Variants in TRPS1 observed in about 807,000 individuals in gnomAD.
The protein encoded by TRPS1 is zinc finger transcription factor Trps1.
TRPS1 carries 6 observed loss-of-function variants against 101.2 expected under a neutral mutation model. The ratio of observed to expected loss-of-function variants is 0.06; its 90% CI spans 0.03 to 0.12. The LOEUF (loss-of-function observed/expected upper bound fraction) is 0.12. Among genes scored for constraint, TRPS1 ranks in the 10% least tolerant of loss-of-function variants. The pLI is 1.00. For missense variants in TRPS1, 1,363 were observed against 1,567.0 expected (o/e 0.87, Z 2.20); for synonymous variants, 578 against 589.8 (o/e 0.98, Z 0.29).
chr8:115,464,129 C>G (rs1283386438), intron 5 of TRPS1, among the ~76,000 whole-genome samples: 1 of 151,334 alleles, frequency 6.6e-6, no homozygotes, highest in Admixed American at 6.6e-5. Flanking sequence ...TTTTGCATTT[C>G]AAAGTCAGCT....
intron 3 of TRPS1, among the ~76,000 whole-genome samples, chr8:115,612,330 A>G (rs1053537027): frequency 1.3e-5 from 2 of 152,092 alleles, no homozygotes; most frequent in African/African-American, 4.8e-5. Context: ...AGGGAAGATA[A>G]AGCTAGAACA....
chr8:115,491,321 T>C (rs183833326), intron 5 of TRPS1, among the ~76,000 whole-genome samples: 194 of 152,312 alleles, frequency 1.3e-3, no homozygotes, highest in African/African-American at 4.5e-3. Flanking sequence ...GGATTTAAAT[T>C]CCAAGATATT....
At chr8:115,573,543 T>C (rs1817252323) in intron 5 of TRPS1, among the ~76,000 whole-genome samples, 1 of 152,112 alleles carries the variant, frequency 6.6e-6, no homozygotes, top group African/African-American at 2.4e-5. Context: ...TTATTACTCA[T>C]AGAGTAAGAG....
At chr8:115,425,646 T>C (rs1205708828) in intron 5 of TRPS1, among the ~76,000 whole-genome samples, 1 of 152,226 alleles carries the variant, frequency 6.6e-6, no homozygotes, top group African/African-American at 2.4e-5. Context: ...ATGTAACTGG[T>C]GATTCTCAGA....
chr8:115,631,657 G>T (rs879306990), intron 1 of TRPS1, among the ~76,000 whole-genome samples: 10 of 148,080 alleles, frequency 6.8e-5, no homozygotes, highest in South Asian at 4.2e-4. Flanking sequence ...ATGGATGGAT[G>T]GATGGATGGA....
At chr8:115,430,711 A>G (rs529979571) in intron 5 of TRPS1, among the ~76,000 whole-genome samples, 2 of 152,280 alleles carry the variant, frequency 1.3e-5, no homozygotes, top group Non-Finnish European at 2.9e-5. Flanking sequence ...ATGTATATAC[A>G]TGTACATACA....
chr8:115,455,771 C>T (rs1322818272), intron 5 of TRPS1, among the ~76,000 whole-genome samples: 6 of 134,724 alleles, frequency 4.5e-5, no homozygotes, highest in African/African-American at 8.5e-5. Flanking sequence ...TTCTTTCTTT[C>T]TTTCTTTTTT....
intron 5 of TRPS1, among the ~76,000 whole-genome samples, chr8:115,500,007 G>T (rs1815274390): frequency 7.1e-6 from 1 of 141,454 alleles, no homozygotes; most frequent in Admixed American, 7.3e-5. Flanking sequence ...TATTATTTCT[G>T]AAGAGTGGTC....
At chr8:115,634,143 T>A (rs1418765059) in intron 1 of TRPS1, among the ~76,000 whole-genome samples, 1 of 152,206 alleles carries the variant, frequency 6.6e-6, no homozygotes, top group Non-Finnish European at 1.5e-5. Context: ...ACAATCACAT[T>A]TTATTGCACA....
In TRPS1 at chr8:115,449,237, T is replaced by G. The variant is rs112078191; in HGVS notation, c.2701-30785A>C. Among the ~76,000 whole-genome samples the G allele has an allele frequency of 5.9e-3, 896 of 152,324 alleles. 6 individuals are homozygous for G. The highest frequency in any genetic ancestry group is 9.5e-3 in the Non-Finnish European group (649 of 68,028). ...AGAACTTCTCTATTCTAGGTCCATT[T>G]GTATATGCAATCACAGATATCTTTC... is the stretch of plus-strand genomic sequence containing the variant. On this transcript the variant is annotated intron_variant, in intron 5 of 6. Coordinates refer to ENST00000395715, the MANE Select transcript of TRPS1 (RefSeq NM_014112.5).
chr8:115,550,690 T>C (rs1319606826), intron 5 of TRPS1, among the ~76,000 whole-genome samples: 1 of 152,196 alleles, frequency 6.6e-6, no homozygotes, highest in African/African-American at 2.4e-5. Flanking sequence ...ATTCTTGACA[T>C]TGAGTTGGAG....
intron 5 of TRPS1, among the ~76,000 whole-genome samples, chr8:115,517,571 GAA>G (rs1248148440): frequency 0.016 from 1 of 64 alleles, no homozygotes; most frequent in Non-Finnish European, 0.033. Context: ...GTTGTGAAAA[GAA>G]GTCCTATGAT....
At chr8:115,623,504 T>G in intron 2 of TRPS1, 97 bp downstream of exon 2, 1 of 1,443,884 alleles carries the variant, frequency 6.9e-7, no homozygotes. Flanking sequence ...ACCCTCAAGT[T>G]ATTATCTCTA....
At chr8:115,610,636 C>G (rs1404593470) in intron 3 of TRPS1, among the ~76,000 whole-genome samples, 1 of 152,200 alleles carries the variant, frequency 6.6e-6, no homozygotes, top group Non-Finnish European at 1.5e-5. Context: ...AACTCCTACA[C>G]TGGGCACATT....
At chr8:115,453,800 A>G (rs1813944156) in intron 5 of TRPS1, among the ~76,000 whole-genome samples, 1 of 152,218 alleles carries the variant, frequency 6.6e-6, no homozygotes. Flanking sequence ...AGTATATAAA[A>G]TGTACAAATT....
chr8:115,474,326 A>G (rs1030793189), intron 5 of TRPS1, among the ~76,000 whole-genome samples: 10 of 152,104 alleles, frequency 6.6e-5, no homozygotes, highest in Admixed American at 1.3e-4. Context: ...TTGTTATTTA[A>G]CTTTGTTTAG....
chr8:115,530,791 G>A (rs1296824869), intron 5 of TRPS1, among the ~76,000 whole-genome samples: 1 of 152,060 alleles, frequency 6.6e-6, no homozygotes, highest in Non-Finnish European at 1.5e-5. Flanking sequence ...GGACATGGAT[G>A]AAGCTGGAAA....
At chr8:115,650,701 T>C (rs1245680359) in intron 1 of TRPS1, among the ~76,000 whole-genome samples, 1 of 152,242 alleles carries the variant, frequency 6.6e-6, no homozygotes, top group Non-Finnish European at 1.5e-5. Context: ...GAGGCATTGT[T>C]GTTCCAACAT....
intron 5 of TRPS1, among the ~76,000 whole-genome samples, chr8:115,466,405 T>G (rs1461688916): frequency 1.3e-5 from 2 of 152,192 alleles, no homozygotes; most frequent in African/African-American, 4.8e-5. Flanking sequence ...TTGAGGCAAG[T>G]GCTTTATTTC....
Sources: allele counts gnomAD v4.1 joint callset (sites outside exome capture counted in the v4.1 genomes callset), GRCh38; gene constraint gnomAD v4.1.1; transcripts MANE v1.5; gene names NCBI Gene and HGNC (gene_info 2026-07-23, HGNC 2026-07-21).